The following ATP10A variants were observed in gnomAD, a reference collection of about 807,000 sequenced individuals.
ATP10A encodes the protein ATPase phospholipid transporting 10A (putative), also known as phospholipid-transporting ATPase VA.
ATP10A carries 111 observed loss-of-function variants against 147.8 expected under a neutral mutation model. The observed-to-expected ratio is 0.75, with a 90% CI of 0.64 to 0.88. ATP10A has a LOEUF of 0.88. ATP10A is among the 40% of genes least tolerant of loss of function. ATP10A has a pLI of 0.00. For synonymous variants in ATP10A, 875 were observed against 841.6 expected (o/e 1.04, Z -0.69); for missense variants, 1,927 against 1,959.0 (o/e 0.98, Z 0.31).
chr15:25,819,398 G>T (rs145896358), intron 1 of ATP10A, among the ~76,000 whole-genome samples: 1 of 152,200 alleles, frequency 6.6e-6, no homozygotes, highest in East Asian at 1.9e-4. Flanking sequence ...AACCAGAATG[G>T]CAATTATTAA....
At chr15:25,857,374 G>C (rs762047207) in intron 1 of ATP10A, among the ~76,000 whole-genome samples, 7 of 152,206 alleles carry the variant, frequency 4.6e-5, no homozygotes, top group Admixed American at 2.0e-4. Flanking sequence ...TTGAGGCCAA[G>C]AGATGGAAGC....
intron 2 of ATP10A, among the ~76,000 whole-genome samples, chr15:25,760,587 T>C (rs1888710503): frequency 6.6e-6 from 1 of 152,222 alleles, no homozygotes; most frequent in Non-Finnish European, 1.5e-5. Flanking sequence ...GACAAGTATA[T>C]AGTTTCTAAT....
chr15:25,687,596 T>A, intron 16 of ATP10A, 107 bp downstream of exon 16: 6 of 656,166 alleles, frequency 9.1e-6, no homozygotes, highest in Non-Finnish European at 1.1e-5. Flanking sequence ...TGGAGCAGGT[T>A]GTCCATGGCC....
chr15:25,846,652 C>T (rs139591722), intron 1 of ATP10A, among the ~76,000 whole-genome samples: 9 of 152,308 alleles, frequency 5.9e-5, no homozygotes, highest in African/African-American at 1.9e-4. Flanking sequence ...CCTAGCCTGA[C>T]ATGTGCCGGA....
At chr15:25,740,949 C>T (rs747226956) in intron 2 of ATP10A, among the ~76,000 whole-genome samples, 1 of 152,250 alleles carries the variant, frequency 6.6e-6, no homozygotes, top group Admixed American at 6.5e-5. Flanking sequence ...AAGCCCAAAC[C>T]TTTCTGCATG....
rs550462557 is a variant in ATP10A, at chr15:25,694,987, T to C, written c.2920A>G (p.Ile974Val). ...TASGRRPSLV[I>V]DGRSLAYALE... ...GCGTAGGCCAGGCTTCTCCCATCGA[T>C]CACGAGGCTGGGTCTGCGGCCAGAG... is the stretch of plus-strand genomic sequence containing the variant. Residue 974 changes from isoleucine (I) to valine (V), a missense_variant, in exon 14 of 21, where the codon ATC (isoleucine) becomes GTC (valine). Transcript: ENST00000555815. The C allele has an allele frequency of 2.5e-6, 4 of 1,614,136 alleles. No homozygotes were observed. Among genetic ancestry groups the C allele is most frequent in the East Asian group, 2.2e-5 (1 of 44,862 alleles).
At chr15:25,765,178 G>A (rs188244934) in intron 2 of ATP10A, among the ~76,000 whole-genome samples, 22 of 152,256 alleles carry the variant, frequency 1.4e-4, no homozygotes, top group Admixed American at 1.0e-3. Flanking sequence ...GGGGCGGGGC[G>A]GGGGTGTTGT....
rs905413608 is a variant in ATP10A, at chr15:25,761,661, C to A, written c.654+19358G>T. Among the ~76,000 whole-genome samples, 15 of 152,210 alleles carry A rather than the reference C, an allele frequency of 9.9e-5. No individual in the cohort carries two copies. The East Asian group carries it at 2.9e-3, about 29-fold the overall frequency. On this transcript the variant is annotated intron_variant, in intron 2 of 20. Transcript: ENST00000555815. ...TTGGAGCTTTAAGATTTAATGACTG[C>A]CCTATGGATTTTGGACTTGCATGGG...
At chr15:25,727,362 G>A in intron 3 of ATP10A, 96 bp from the exon 4 acceptor site, 1 of 1,113,998 alleles carries the variant, frequency 9.0e-7, no homozygotes, top group Non-Finnish European at 1.3e-6. Flanking sequence ...CTGACACAAT[G>A]AAAGCTTGGG....
At position 25,854,267 on chromosome 15, in the gene ATP10A, G is replaced by GA. The variant is rs557974661; in HGVS notation, c.449+8380dup. Among the ~76,000 whole-genome samples, 197 of 152,162 alleles carry GA rather than the reference G, an allele frequency of 1.3e-3. 1 individual carries two copies. The highest frequency in any genetic ancestry group is 4.6e-3 in the African/African-American group (189 of 41,512). On this transcript the variant is annotated intron_variant, in intron 1 of 20. Transcript: ENST00000555815. ...AAGAGCTCCCAAAAGCCACAGCCTG[G>GA]AACAGTGTGAGCAAAAGGATCAATT...
In ATP10A at chr15:25,679,591, G is replaced by A. The variant is rs200151540; in HGVS notation, c.4250C>T (p.Ala1417Val). The change falls in exon 21 of 21, where the codon GCT (alanine) becomes GTT (valine). Residue 1417 changes from alanine (A) to valine (V), a missense_variant. Transcript: ENST00000555815. ...GGGGGTCACCCTGCCGGTGCTGGCA[G>A]CTCTCACCTTGGACTCCTCAGGACA... Reference protein sequence around the residue: ...GGCPEESKVRAASTGRVTPLS... With the variant: ...GGCPEESKVRVASTGRVTPLS... The A allele has an allele frequency of 1.4e-5, 23 of 1,610,596 alleles. No homozygotes were observed. In the Admixed American group the frequency reaches 2.5e-4, roughly 18 times the overall value.
chr15:25,857,783 G>C (rs1301165365), intron 1 of ATP10A, among the ~76,000 whole-genome samples: 3 of 152,120 alleles, frequency 2.0e-5, no homozygotes, highest in Non-Finnish European at 4.4e-5. Context: ...CTGTGAACAC[G>C]GGGTCAGAGC....
downstream of ATP10A, among the ~76,000 whole-genome samples, chr15:25,674,946 GT>G (rs1899107946): frequency 6.6e-6 from 1 of 152,216 alleles, no homozygotes; most frequent in African/African-American, 2.4e-5. Flanking sequence ...CAGGTTTGCA[GT>G]TCAGGGAACA....
chr15:25,676,796 C>A (rs1899145517), downstream of ATP10A, among the ~76,000 whole-genome samples: 1 of 151,800 alleles, frequency 6.6e-6, no homozygotes, highest in African/African-American at 2.4e-5. Context: ...TACTTTCAAC[C>A]CACTATCTTT....
intron 16 of ATP10A, among the ~76,000 whole-genome samples, 154 bp downstream of exon 16, chr15:25,687,549 G>T (rs541822764): frequency 6.6e-6 from 1 of 151,682 alleles, no homozygotes; most frequent in African/African-American, 2.4e-5. Flanking sequence ...TGCAGAGCCA[G>T]CCCAGGACAG....
chr15:25,674,142 C>T (rs1472699150), downstream of ATP10A, among the ~76,000 whole-genome samples: 1 of 152,206 alleles, frequency 6.6e-6, no homozygotes, highest in Non-Finnish European at 1.5e-5. Flanking sequence ...TTGCATGGTG[C>T]CCTGACGCCC....
At chr15:25,744,317 T>C (rs1331185543) in intron 2 of ATP10A, among the ~76,000 whole-genome samples, 1 of 152,170 alleles carries the variant, frequency 6.6e-6, no homozygotes, top group African/African-American at 2.4e-5. Flanking sequence ...GCAAAAGTCT[T>C]CTTTATATAT....
At chr15:25,812,322 A>G (rs544037655) in intron 1 of ATP10A, among the ~76,000 whole-genome samples, 2 of 152,352 alleles carry the variant, frequency 1.3e-5, no homozygotes, top group African/African-American at 4.8e-5. Flanking sequence ...TTTGGATATC[A>G]TGACCTGTAC....
chr15:25,733,467 T>C (rs770685477), intron 3 of ATP10A, among the ~76,000 whole-genome samples: 4 of 152,092 alleles, frequency 2.6e-5, no homozygotes, highest in African/African-American at 4.8e-5. Context: ...GCTGCCCCAG[T>C]CCCCTTCAGG....
Sources: gnomAD v4.1 joint callset for allele counts (sites outside exome capture counted in the v4.1 genomes callset) on GRCh38, gnomAD v4.1.1 for gene constraint, MANE v1.5 for transcripts, NCBI Gene and HGNC (gene_info 2026-07-23, HGNC 2026-07-21) for gene names.